CSMD1: variants seen among roughly 807,000 people sequenced by gnomAD.
CSMD1 encodes the protein CUB and sushi domain-containing protein 1.
In CSMD1, 213 loss-of-function variants were observed where a neutral mutation model predicts 417.5. The ratio of observed to expected loss-of-function variants is 0.51; its 90% confidence interval spans 0.46 to 0.57. The LOEUF (loss-of-function observed/expected upper bound fraction) is 0.57. Ranked by LOEUF, CSMD1 falls within the 20% of genes least tolerant of loss-of-function variation. CSMD1 has a pLI of 0.00. For missense variants in CSMD1, 6,923 were observed against 4,529.7 expected (o/e 1.53, Z -15.17); for synonymous variants, 2,862 against 1,736.8 (o/e 1.65, Z -16.11).
chr8:3,366,052 A>C (rs914576247), intron 20 of CSMD1, among the ~76,000 whole-genome samples: 9 of 152,212 alleles, frequency 5.9e-5, no homozygotes, highest in African/African-American at 2.2e-4. Flanking sequence ...ATGAGATCTC[A>C]AAAGTAGAAT....
rs545914883 is a variant in CSMD1 at position 4,408,995 on chromosome 8, T to G, written c.415+10958A>C. Reference sequence around the variant, plus strand: ...GAACTGTGAATTCTTTGCCGACTGATTTAAGAACTCTGAAGACAAAACAAA... The same window carrying G: ...GAACTGTGAATTCTTTGCCGACTGAGTTAAGAACTCTGAAGACAAAACAAA... On this transcript the variant is annotated intron_variant, in intron 3 of 69. Transcript: ENST00000635120. Among the ~76,000 whole-genome samples, 4 of 152,320 alleles carry G rather than the reference T, an allele frequency of 2.6e-5. No individual in the cohort carries two copies. In the South Asian group the frequency reaches 8.3e-4, roughly 32 times the overall value.
chr8:3,192,602 C>T (rs1259052778), intron 33 of CSMD1, among the ~76,000 whole-genome samples: 2 of 152,154 alleles, frequency 1.3e-5, no homozygotes, highest in African/African-American at 4.8e-5. Context: ...GCACGAGAAG[C>T]AGCACTTTGG....
At position 2,989,988 on chromosome 8, in the gene CSMD1, G is replaced by A. The variant is rs116023843; in HGVS notation, c.8377+8023C>T. 2.7e-3 allele frequency among the ~76,000 whole-genome samples: 416 copies of A among 152,236 alleles called. 2 individuals carry two copies. The highest frequency in any genetic ancestry group is 9.5e-3 in the African/African-American group (395 of 41,544). ...GTGCTCAACAAATGTGGCATTGCAT[G>A]GCCTAGAAGGCTCTAGGGGGATGGA... On this transcript the variant is annotated intron_variant, in intron 54 of 69. Transcript: ENST00000635120.
At chr8:4,179,735 A>G (rs10099388) in intron 3 of CSMD1, among the ~76,000 whole-genome samples, 139,253 of 151,356 alleles carry the variant, frequency 0.92, 63,881 homozygotes, top group South Asian at 0.96. Context: ...TTTACAAGAA[A>G]AAAACAAACA....
At chr8:4,970,386 T>A (rs1387347389) in intron 1 of CSMD1, among the ~76,000 whole-genome samples, 5 of 152,150 alleles carry the variant, frequency 3.3e-5, no homozygotes, top group Admixed American at 2.0e-4. Flanking sequence ...TTTATGCTAA[T>A]GTTATCATTA....
chr8:4,735,409 C>CT (rs1238850329), intron 1 of CSMD1, among the ~76,000 whole-genome samples: 1 of 152,248 alleles, frequency 6.6e-6, no homozygotes, highest in South Asian at 2.1e-4. Flanking sequence ...AAATAACCTT[C>CT]TTTTTTCAGT....
intron 5 of CSMD1, among the ~76,000 whole-genome samples, chr8:3,994,199 C>A (rs1815020378): frequency 6.6e-6 from 1 of 152,082 alleles, no homozygotes; most frequent in Non-Finnish European, 1.5e-5. Flanking sequence ...CTTACCTTCT[C>A]TATCCTCTAC....
At chr8:4,195,905 G>A (rs1029488454) in intron 3 of CSMD1, among the ~76,000 whole-genome samples, 1 of 152,044 alleles carries the variant, frequency 6.6e-6, no homozygotes, top group African/African-American at 2.4e-5. Context: ...CCCACCCCGA[G>A]AAAACTATGA....
chr8:4,112,395 C>G (rs1279155711), intron 3 of CSMD1, among the ~76,000 whole-genome samples: 1 of 152,184 alleles, frequency 6.6e-6, no homozygotes, highest in Non-Finnish European at 1.5e-5. Flanking sequence ...AATGCCCTGA[C>G]AAGGCTGAGC....
intron 1 of CSMD1, among the ~76,000 whole-genome samples, chr8:4,925,637 C>G (rs1015959005): frequency 2.6e-5 from 4 of 151,696 alleles, no homozygotes; most frequent in African/African-American, 4.8e-5. Context: ...AGCTCTGCCT[C>G]CCGGGTTCAC....
At chr8:3,268,261 C>T (rs999635504) in intron 26 of CSMD1, among the ~76,000 whole-genome samples, 1 of 146,786 alleles carries the variant, frequency 6.8e-6, no homozygotes, top group Non-Finnish European at 1.5e-5. Flanking sequence ...TTTCTCCCAT[C>T]AGGGTGTGGT....
At chr8:3,521,618 T>C (rs1013027977) in intron 10 of CSMD1, among the ~76,000 whole-genome samples, 3 of 152,216 alleles carry the variant, frequency 2.0e-5, no homozygotes, top group Non-Finnish European at 2.9e-5. Flanking sequence ...AAATCCCTTG[T>C]ACACGGAGCA....
At chr8:3,449,397 G>C (rs1815541227) in intron 12 of CSMD1, among the ~76,000 whole-genome samples, 1 of 152,084 alleles carries the variant, frequency 6.6e-6, no homozygotes. Flanking sequence ...GCTTTGCCAA[G>C]TCAGAGGAAA....
intron 7 of CSMD1, among the ~76,000 whole-genome samples, chr8:3,675,090 G>T (rs117439030): frequency 1.3e-5 from 2 of 152,102 alleles, no homozygotes; most frequent in East Asian, 1.9e-4. Context: ...ACCATAAAAC[G>T]CCATCTTGAA....
chr8:3,340,788 T>A (rs1248320407), intron 23 of CSMD1, among the ~76,000 whole-genome samples: 1 of 152,186 alleles, frequency 6.6e-6, no homozygotes, highest in Non-Finnish European at 1.5e-5. Context: ...TACAAATATA[T>A]CTTCCCACCA....
At chr8:4,019,988 T>C (rs187620111) in intron 4 of CSMD1, among the ~76,000 whole-genome samples, 1 of 152,152 alleles carries the variant, frequency 6.6e-6, no homozygotes, top group Admixed American at 6.5e-5. Flanking sequence ...GAATTTCTTT[T>C]CAAACTGTTT....
rs187370284 is a variant in CSMD1 at position 3,771,826 on chromosome 8, G to A, written c.819-17784C>T. Among the ~76,000 whole-genome samples the A allele has an allele frequency of 2.7e-3, 418 of 152,140 alleles. 2 individuals carry two copies. The highest frequency in any genetic ancestry group is 0.014 in the Middle Eastern group (4 of 290). ...CCTTTACTATGAGGCAGAATGATCC[G>A]TTCAATACATTCTCACTCCTTGTCC... On this transcript the variant is annotated intron_variant, in intron 5 of 69. Transcript: ENST00000635120.
At chr8:4,592,608 A>C (rs567368933) in intron 2 of CSMD1, among the ~76,000 whole-genome samples, 1 of 152,178 alleles carries the variant, frequency 6.6e-6, no homozygotes, top group East Asian at 1.9e-4. Context: ...GCTGGTCTCA[A>C]ACTCCTGATC....
intron 37 of CSMD1, among the ~76,000 whole-genome samples, chr8:3,162,946 G>C (rs371424361): frequency 2.4e-4 from 36 of 152,220 alleles, no homozygotes; most frequent in African/African-American, 7.9e-4. Context: ...TAAGGTATCA[G>C]ATAAACGAAT....
Sources: allele counts gnomAD v4.1 joint callset (sites outside exome capture counted in the v4.1 genomes callset), GRCh38; gene constraint gnomAD v4.1.1; transcripts MANE v1.5; gene names NCBI Gene and HGNC (gene_info 2026-07-23, HGNC 2026-07-21).